Variants in PTPRJ observed in about 807,000 individuals in gnomAD.
PTPRJ encodes the protein protein tyrosine phosphatase receptor type J.
A neutral mutation model predicts 141.3 loss-of-function variants in PTPRJ; 129 were observed. That is an observed-to-expected ratio of 0.91 (90% CI 0.79 to 1.06). PTPRJ has a LOEUF of 1.06. Among genes scored for constraint, PTPRJ ranks in the 50% least tolerant of loss-of-function variants. PTPRJ has a pLI of 0.00. For missense variants in PTPRJ, 1,601 were observed against 1,679.7 expected, an observed-to-expected ratio of 0.95 and a Z score of 0.82; for synonymous variants, 610 against 640.5, an observed-to-expected ratio of 0.95 and a Z score of 0.72.
chr11:48,165,445 G>T (rs1857895655), intron 24 of PTPRJ, among the ~76,000 whole-genome samples: 1 of 152,236 alleles, frequency 6.6e-6, no homozygotes, highest in Non-Finnish European at 1.5e-5. Context: ...TTTGAGGCAT[G>T]TTTTCAACAG....
chr11:48,167,117 G>C, intron 24 of PTPRJ, 87 bp from the exon 25 acceptor site: 1 of 1,304,668 alleles, frequency 7.7e-7, no homozygotes, highest in Non-Finnish European at 1.1e-6. Flanking sequence ...AGTTGGGCGG[G>C]GGAATGACCT....
intron 7 of PTPRJ, 59 bp downstream of exon 7, chr11:48,128,102 A>T: frequency 6.5e-7 from 1 of 1,544,734 alleles, no homozygotes; most frequent in Non-Finnish European, 8.9e-7. Flanking sequence ...TGCCAGGCCC[A>T]GACACAGGAT....
intron 24 of PTPRJ, among the ~76,000 whole-genome samples, chr11:48,166,765 C>T (rs1408346701): frequency 2.6e-5 from 4 of 152,210 alleles, no homozygotes; most frequent in African/African-American, 7.2e-5. Flanking sequence ...GGATAGTCCT[C>T]ATCCAGCTCC....
chr11:48,140,548 G>A lies in PTPRJ; in HGVS notation c.2443+772G>A, dbSNP rs186821400. On this transcript the variant is annotated intron_variant, in intron 11 of 24. Coordinates refer to ENST00000418331, the MANE Select transcript of PTPRJ (RefSeq NM_002843.4). ...CTGGCCAGCTACAGGGTATAGAGCT[G>A]GTGGGAAATGCAGGAGCCTGTGCTA... Among the ~76,000 whole-genome samples the A allele has an allele frequency of 5.2e-3, 795 of 152,282 alleles. 10 individuals are homozygous for A. The highest frequency in any genetic ancestry group is 0.018 in the African/African-American group (767 of 41,540).
rs763129111 is a variant in PTPRJ, at chr11:48,127,912, C to G, written c.1226C>G (p.Ser409Cys). 2.2e-5 allele frequency: 35 copies of G among 1,614,082 alleles called. No individual in the cohort carries two copies. The highest frequency in any genetic ancestry group is 3.0e-5 in the Non-Finnish European group (35 of 1,180,036). Residue 409 changes from serine to cysteine, a missense_variant, in exon 7 of 25, where the codon TCT (serine) becomes TGT (cysteine). Ser to Cys is a moderately radical substitution (Grantham distance 112, BLOSUM62 -1). Coordinates refer to ENST00000418331, the MANE Select transcript of PTPRJ (RefSeq NM_002843.4). ...YKIHVAGETDSSNLNVSEPRA... is the reference protein window; with the variant it reads ...YKIHVAGETDCSNLNVSEPRA... ...ATACATGTGGCGGGGGAGACAGATT[C>G]TTCCAATCTCAACGTCAGTGAGCCT...
chr11:48,037,252 C>T (rs1479596871), intron 1 of PTPRJ, among the ~76,000 whole-genome samples: 2 of 152,030 alleles, frequency 1.3e-5, no homozygotes, highest in East Asian at 3.9e-4. Flanking sequence ...GAAGCAGAAC[C>T]CTGATTGACT....
In PTPRJ at chr11:48,170,522, C is replaced by T. The variant is rs1444028722; in HGVS notation, c.*3160C>T. 6.6e-6 allele frequency: 1 copy of T among 152,104 alleles called. No individual in the cohort carries two copies. The highest frequency in any genetic ancestry group is 1.5e-5 in the Non-Finnish European group (1 of 68,022). The allele number at this position is 152,104 out of a possible 1,614,324, so 9.4% of individuals were successfully genotyped here. On this transcript the variant is annotated 3_prime_UTR_variant, in exon 25 of 25. Coordinates refer to ENST00000418331, the MANE Select transcript of PTPRJ (RefSeq NM_002843.4). ...GAAATGCTTGATTGTACTTATTGAG[C>T]TAAACAAGTCTTGGTGACTGTTGTT...
chr11:48,146,737 G>C (rs1857359626), intron 14 of PTPRJ, 139 bp from the exon 15 acceptor site: 1 of 500,490 alleles, frequency 2.0e-6, no homozygotes, highest in African/African-American at 2.0e-5. Context: ...GTGTGCGCCT[G>C]TGTGTGTGTG....
chr11:48,002,164 G>A (rs1298510604), intron 1 of PTPRJ, among the ~76,000 whole-genome samples: 6 of 143,694 alleles, frequency 4.2e-5, no homozygotes, highest in Non-Finnish European at 6.0e-5. Flanking sequence ...TTGAGACAGA[G>A]TCTCGCTCTG....
At chr11:48,056,938 G>A (rs983311634) in intron 1 of PTPRJ, among the ~76,000 whole-genome samples, 2 of 152,214 alleles carry the variant, frequency 1.3e-5, no homozygotes, top group African/African-American at 4.8e-5. Flanking sequence ...TGGGCGACAA[G>A]AGCGAAACTC....
At chr11:48,159,135 G>GTA in intron 21 of PTPRJ, among the ~76,000 whole-genome samples, 1 of 9,832 alleles carries the variant, frequency 1.0e-4, no homozygotes. Flanking sequence ...GTGTGTGTGT[G>GTA]TGTGTGTGTG....
chr11:47,988,346 GT>G (rs140618496), intron 1 of PTPRJ, among the ~76,000 whole-genome samples: 9 of 148,938 alleles, frequency 6.0e-5, no homozygotes, highest in Non-Finnish European at 7.5e-5. Flanking sequence ...TAATTTTATT[GT>G]TTTTTTTTTG....
chr11:48,073,422 T>A (rs1216095204), intron 1 of PTPRJ, among the ~76,000 whole-genome samples: 1 of 152,252 alleles, frequency 6.6e-6, no homozygotes, highest in East Asian at 1.9e-4. Flanking sequence ...CCATTTCCCA[T>A]GAACTGCTTA....
chr11:48,067,651 G>T (rs1198188404), intron 1 of PTPRJ, among the ~76,000 whole-genome samples: 1 of 152,098 alleles, frequency 6.6e-6, no homozygotes, highest in Non-Finnish European at 1.5e-5. Flanking sequence ...AAAGAAACCC[G>T]AACAAGCAAG....
intron 1 of PTPRJ, among the ~76,000 whole-genome samples, chr11:48,084,483 T>C (rs1855644025): frequency 6.6e-6 from 1 of 152,184 alleles, no homozygotes; most frequent in South Asian, 2.1e-4. Context: ...TCTAGGTTTT[T>C]ATAGCAAAAT....
At chr11:48,143,843 CCTCCCCTT>C (rs1291724275) in intron 12 of PTPRJ, among the ~76,000 whole-genome samples, 11 of 137,126 alleles carry the variant, frequency 8.0e-5, no homozygotes, top group Admixed American at 1.5e-4. Context: ...CTCTCCTCCT[CCTCCCCTT>C]CTCCCCTTCT....
intron 1 of PTPRJ, among the ~76,000 whole-genome samples, chr11:48,000,763 C>T (rs1854474853): frequency 6.6e-6 from 1 of 152,118 alleles, no homozygotes; most frequent in Non-Finnish European, 1.5e-5. Flanking sequence ...TTCATTTCCT[C>T]CCATCCTTAT....
chr11:48,131,784 T>G (rs1373712538), intron 8 of PTPRJ: 4 of 393,824 alleles, frequency 1.0e-5, no homozygotes, highest in Non-Finnish European at 1.8e-5. Context: ...TCAGTGGTTT[T>G]CAAATTGTGG....
intron 24 of PTPRJ, among the ~76,000 whole-genome samples, chr11:48,165,021 ATAG>A (rs769040650): frequency 3.3e-5 from 5 of 152,232 alleles, no homozygotes; most frequent in African/African-American, 4.8e-5. Flanking sequence ...TACAAGTGAC[ATAG>A]TAGTACTGAT....
Sources: allele counts gnomAD v4.1 joint callset (sites outside exome capture counted in the v4.1 genomes callset), GRCh38; gene constraint gnomAD v4.1.1; transcripts MANE v1.5; gene names NCBI Gene and HGNC (gene_info 2026-07-23, HGNC 2026-07-21).